Variants in FAM193B observed in about 807,000 individuals in gnomAD.
FAM193B encodes family with sequence similarity 193 member B, also known as protein FAM193B.
In FAM193B, 27 loss-of-function variants were observed where a neutral mutation model predicts 70.7. The observed-to-expected ratio is 0.38, with a 90% CI of 0.28 to 0.53. The LOEUF is 0.53. Ranked by LOEUF, FAM193B falls within the 20% of genes least tolerant of loss-of-function variation. The pLI is 0.81. For missense variants in FAM193B, 1,022 were observed against 1,072.5 expected (o/e 0.95, Z 0.66); for synonymous variants, 448 against 436.0 (o/e 1.03, Z -0.34).
In FAM193B at chr5:177,538,785, G is replaced by C; in HGVS notation, c.453+120C>G. 7.4e-7 allele frequency: 1 copy of C among 1,345,510 alleles called. No homozygotes were observed. Among genetic ancestry groups the C allele is most frequent in the South Asian group, 1.4e-5 (1 of 72,206 alleles). The allele number at this position is 1,345,510 out of a possible 1,614,324, so 83.3% of individuals were successfully genotyped here. ...AATGCTGTGCCAGTGCAGCCCAGAA[G>C]TCTCTCAGTGCCTGGGCATGGGAGC... On this transcript the variant is annotated intron_variant, in intron 2 of 8. Transcript: ENST00000514747. The surrounding 1 kb of genome is among the most constrained non-coding windows in gnomAD (Gnocchi z 4.1).
At chr5:177,545,947 G>A (rs1023292490) in intron 1 of FAM193B, among the ~76,000 whole-genome samples, 1 of 152,156 alleles carries the variant, frequency 6.6e-6, no homozygotes, top group Non-Finnish European at 1.5e-5. Context: ...TGGCCCATTA[G>A]AGCACTCTAC....
intron 8 of FAM193B, 73 bp downstream of exon 8, chr5:177,521,901 G>T: frequency 8.4e-7 from 1 of 1,187,592 alleles, no homozygotes; most frequent in Non-Finnish European, 1.3e-6. Context: ...GCACAGAATG[G>T]TCTGGTGAGC....
Position 177,532,149 on chromosome 5 carries a change from T to C in FAM193B, c.1275+294A>G. ...TCACTTCTCTGGGATTACACACGTATACATACTCATCAGAATCATAGCTTT... is the reference window on the plus strand; with the variant it reads ...TCACTTCTCTGGGATTACACACGTACACATACTCATCAGAATCATAGCTTT... On this transcript the variant is annotated intron_variant, in intron 5 of 8. Coordinates refer to ENST00000514747, the MANE Select transcript of FAM193B (RefSeq NM_001190946.3). This position sits in a 1 kb window ranked among gnomAD's most constrained non-coding sequence, Gnocchi z 4.9. The C allele has an allele frequency of 7.1e-7, 1 of 1,405,990 alleles. No homozygotes were observed. Among genetic ancestry groups the C allele is most frequent in the Non-Finnish European group, 9.4e-7 (1 of 1,064,906 alleles). The allele number at this position is 1,405,990 out of a possible 1,614,324, so 87.1% of individuals were successfully genotyped here. A position where few individuals can be genotyped will look rare whatever the true frequency, so the allele number is the denominator to read the frequency against.
chr5:177,536,519 C>G lies in FAM193B; in HGVS notation c.915G>C (p.Gly305=). The part of the protein sequence containing the change: ...VAAATAPHTP[G]PCQSSHLPST... ...AGGGTAGATGGGAGCTCTGACATGG[C>G]CCTGGAGTGTGGGGGGCAGTGGCAG... is the stretch of plus-strand genomic sequence containing the variant. The change falls in exon 4 of 9, where the codon GGG becomes GGC. Residue 305 remains glycine, a synonymous_variant. Transcript: ENST00000514747. The G allele has an allele frequency of 3.9e-6, 6 of 1,554,098 alleles. No individual in the cohort carries two copies. The highest frequency in any genetic ancestry group is 5.2e-6 in the Non-Finnish European group (6 of 1,155,810).
chr5:177,524,508 C>G lies in FAM193B; in HGVS notation c.1973G>C (p.Ser658Thr). Reference protein sequence around the residue: ...EASPAPRPPASLEVPSAKGQV... With the variant: ...EASPAPRPPATLEVPSAKGQV... ...GCCCTTGGCACTGGGAACCTCTAGG[C>G]TGGCTGGGGGCCGGGGGGCTGGGCT... The change falls in exon 6 of 9, where the codon AGC (serine) becomes ACC (threonine). Residue 658 changes from serine (S) to threonine (T), a missense_variant. Coordinates refer to ENST00000514747, the MANE Select transcript of FAM193B (RefSeq NM_001190946.3). 1 of 1,612,956 alleles carries G rather than the reference C, an allele frequency of 6.2e-7. No individual in the cohort carries two copies. Among genetic ancestry groups the G allele is most frequent in the South Asian group, 1.1e-5 (1 of 91,038 alleles).
intron 1 of FAM193B, among the ~76,000 whole-genome samples, chr5:177,547,660 T>G (rs1278529117): frequency 6.6e-6 from 1 of 152,156 alleles, no homozygotes; most frequent in Non-Finnish European, 1.5e-5. Flanking sequence ...CCCAGCTCCT[T>G]GTTTTCTGGC....
rs745797633 is a variant in FAM193B, at chr5:177,532,678, G to A, written c.1077-37C>T. On this transcript the variant is annotated intron_variant, in intron 4 of 8. Transcript: ENST00000514747. The surrounding 1 kb of genome is among the most constrained non-coding windows in gnomAD (Gnocchi z 4.9). ...GAGGAAGGCCCAGAGGTGAGGCAGG[G>A]TGATGCAGAAACCCAGGAAGCATCC... The A allele has an allele frequency of 1.6e-5, 23 of 1,469,692 alleles. No homozygotes were observed. Among genetic ancestry groups the A allele is most frequent in the Middle Eastern group, 4.8e-4 (2 of 4,186 alleles). The allele number at this position is 1,469,692 out of a possible 1,614,324, so 91.0% of individuals were successfully genotyped here.
chr5:177,525,108 T>TC lies in FAM193B; in HGVS notation c.1372dup (p.Glu458GlyfsTer37). On this transcript the variant is annotated frameshift_variant, in exon 6 of 9. Coordinates refer to ENST00000514747, the MANE Select transcript of FAM193B (RefSeq NM_001190946.3). LOFTEE classifies it high-confidence loss of function. ...CCGATCCAGTTCCCGGTCGGGCCAC[T>TC]CCAAGAGCCTCTCCCTGGCAGGCCT... The TC allele has an allele frequency of 6.3e-7, 1 of 1,581,744 alleles. No individual in the cohort carries two copies. Among genetic ancestry groups the TC allele is most frequent in the Non-Finnish European group, 8.6e-7 (1 of 1,165,068 alleles).
intron 1 of FAM193B, chr5:177,552,109 G>A: frequency 1.0e-6 from 1 of 975,380 alleles, no homozygotes; most frequent in Non-Finnish European, 1.2e-6. Context: ...ATGTTTAGTT[G>A]CTCTGAGTTT....
chr5:177,537,591 AGACCTCACCG>A (rs1334523976), intron 3 of FAM193B, among the ~76,000 whole-genome samples: 2 of 152,244 alleles, frequency 1.3e-5, no homozygotes, highest in African/African-American at 4.8e-5. Context: ...CTACTCAGAC[AGACCTCACCG>A]GATGCCCTCT....
At chr5:177,527,183 G>A (rs995751178) in intron 5 of FAM193B, among the ~76,000 whole-genome samples, 1 of 152,140 alleles carries the variant, frequency 6.6e-6, no homozygotes, top group Non-Finnish European at 1.5e-5. Context: ...AAATGGGAAA[G>A]CTCAGTATCT....
rs533067806 is a variant in FAM193B, at chr5:177,545,778, C to A, written c.211-6631G>T. 4.7e-4 allele frequency among the ~76,000 whole-genome samples: 72 copies of A among 152,274 alleles called. 1 individual carries two copies. Among genetic ancestry groups the A allele is most frequent in the African/African-American group, 1.7e-3 (69 of 41,542 alleles). On this transcript the variant is annotated intron_variant, in intron 1 of 8. Transcript: ENST00000514747. Reference sequence around the variant, plus strand: ...GACCAGACAGCTGTCAAGGACTACTCTGAAGCTGGATTGAATTTCCAGCAC... The same window carrying A: ...GACCAGACAGCTGTCAAGGACTACTATGAAGCTGGATTGAATTTCCAGCAC...
At chr5:177,552,422 G>A (rs1289514238) in intron 1 of FAM193B, among the ~76,000 whole-genome samples, 2 of 152,244 alleles carry the variant, frequency 1.3e-5, no homozygotes, top group Non-Finnish European at 1.5e-5. Context: ...GAACCTAGAT[G>A]TCAAAGAAAT....
At chr5:177,529,090 G>A (rs192335928) in intron 5 of FAM193B, among the ~76,000 whole-genome samples, 137 of 152,144 alleles carry the variant, frequency 9.0e-4, no homozygotes, top group Admixed American at 4.0e-3. Flanking sequence ...AGAAGAGAAC[G>A]GGGCAGGAGA....
At chr5:177,526,785 C>T (rs1762666456) in intron 5 of FAM193B, among the ~76,000 whole-genome samples, 1 of 152,218 alleles carries the variant, frequency 6.6e-6, no homozygotes, top group African/African-American at 2.4e-5. Context: ...CAGGACAATA[C>T]ACCCAGGCCT....
At chr5:177,540,400 C>G (rs545697773) in intron 1 of FAM193B, among the ~76,000 whole-genome samples, 49 of 152,184 alleles carry the variant, frequency 3.2e-4, no homozygotes, top group African/African-American at 1.1e-3. Context: ...ACATTTAATG[C>G]CTCCAATTAA....
intron 1 of FAM193B, among the ~76,000 whole-genome samples, chr5:177,552,305 G>A (rs1159929542): frequency 1.3e-5 from 2 of 152,196 alleles, no homozygotes; most frequent in African/African-American, 2.4e-5. Flanking sequence ...TAAACGCTGC[G>A]GAGAAATACA....
At chr5:177,548,621 T>C (rs1302163069) in intron 1 of FAM193B, among the ~76,000 whole-genome samples, 1 of 152,150 alleles carries the variant, frequency 6.6e-6, no homozygotes, top group African/African-American at 2.4e-5. Flanking sequence ...CAACAATAGA[T>C]ACCTGGGATC....
rs749887252 is a variant in FAM193B, at chr5:177,524,227, G to A, written c.2254C>T (p.Arg752Cys). The change falls in exon 6 of 9, where the codon CGC (arginine) becomes TGC (cysteine). Residue 752 changes from arginine (R) to cysteine (C), a missense_variant. Transcript: ENST00000514747. ...QSLPQGKGRS[R>C]RSRNKQEKPA... The stretch of plus-strand genomic sequence containing the variant: ...TTCTCCTGCTTGTTGCGGCTCCGGC[G>A]GCTGCGGCCCTTGCCCTGGGGCAAG... 7 of 1,548,106 alleles carry A rather than the reference G, an allele frequency of 4.5e-6. No homozygotes were observed. The highest frequency in any genetic ancestry group is 2.5e-5 in the South Asian group (2 of 81,324).
Sources: gnomAD v4.1 joint callset for allele counts (sites outside exome capture counted in the v4.1 genomes callset) on GRCh38, gnomAD v4.1.1 for gene constraint, Gnocchi (gnomAD v3.1) non-coding constraint, MANE v1.5 for transcripts, NCBI Gene and HGNC (gene_info 2026-07-23, HGNC 2026-07-21) for gene names.